The following KDM4C variants were observed in gnomAD, a reference collection of about 807,000 sequenced individuals.
KDM4C encodes lysine demethylase 4C.
A neutral mutation model predicts 129.3 loss-of-function variants in KDM4C; 81 were observed. The ratio of observed to expected loss-of-function variants is 0.63; its 90% CI spans 0.52 to 0.75. The LOEUF (loss-of-function observed/expected upper bound fraction) is 0.75, where lower values mean the gene tolerates loss of function less well. KDM4C is among the 30% of genes least tolerant of loss of function. KDM4C has a pLI of 0.00. For missense variants in KDM4C, 1,457 were observed against 1,304.0 expected, an observed-to-expected ratio of 1.12 and a Z score of -1.81; for synonymous variants, 573 against 456.1, an observed-to-expected ratio of 1.26 and a Z score of -3.26.
chr9:6,770,213 AC>A (rs1821475001), intron 1 of KDM4C, among the ~76,000 whole-genome samples: 1 of 144,496 alleles, frequency 6.9e-6, no homozygotes, highest in Admixed American at 6.8e-5. Context: ...AACAAAAAAC[AC>A]CAAAAAAAAA....
intron 8 of KDM4C, among the ~76,000 whole-genome samples, chr9:6,968,991 C>A (rs955564545): frequency 2.6e-5 from 4 of 152,070 alleles, no homozygotes; most frequent in African/African-American, 7.2e-5. Context: ...AGCTGGAGTG[C>A]AGTGGCATGA....
Position 6,819,718 on chromosome 9 carries a change from TA to T in KDM4C, c.435+4976del, listed in dbSNP as rs1274909970. Among the ~76,000 whole-genome samples, 4 of 152,290 alleles carry T rather than the reference TA, an allele frequency of 2.6e-5. No individual in the cohort carries two copies. The South Asian group carries it at 8.3e-4, about 32-fold the overall frequency. On this transcript the variant is annotated intron_variant, in intron 4 of 21. Transcript: ENST00000381309. ...AGAATAACAAAAGAAAAGAGTGCAT[TA>T]AAGGGCATGATGTAGAGTGAGTGTA...
intron 12 of KDM4C, among the ~76,000 whole-genome samples, chr9:6,993,732 G>A (rs1054390672): frequency 2.0e-5 from 3 of 152,144 alleles, no homozygotes; most frequent in African/African-American, 4.8e-5. Flanking sequence ...ACTGAAGGGC[G>A]GCCAGCTTAG....
intron 1 of KDM4C, among the ~76,000 whole-genome samples, chr9:6,739,997 C>T (rs1186720721): frequency 6.6e-6 from 1 of 151,868 alleles, no homozygotes; most frequent in African/African-American, 2.4e-5. Context: ...TCAAGTGATT[C>T]TCCTGCCTCA....
intron 5 of KDM4C, among the ~76,000 whole-genome samples, chr9:6,862,989 T>G (rs1242119035): frequency 6.6e-6 from 1 of 152,206 alleles, no homozygotes; most frequent in African/African-American, 2.4e-5. Context: ...TATCATTTAT[T>G]TATTTGTTTT....
rs1270037152 is a variant in KDM4C at position 6,819,878 on chromosome 9, A to C, written c.435+5133A>C. Among the ~76,000 whole-genome samples, 2 of 152,320 alleles carry C rather than the reference A, an allele frequency of 1.3e-5. 1 individual carries two copies. The highest frequency in any genetic ancestry group is 4.1e-4 in the South Asian group (2 of 4,828). On this transcript the variant is annotated intron_variant, in intron 4 of 21. Coordinates refer to ENST00000381309, the MANE Select transcript of KDM4C (RefSeq NM_015061.6). Reference sequence around the variant, plus strand: ...TTTAGTTCAGTATTTAAATTGTACCAAGAACTGGTTTCTCGTGGTTCATGG... The same window carrying C: ...TTTAGTTCAGTATTTAAATTGTACCCAGAACTGGTTTCTCGTGGTTCATGG...
intron 4 of KDM4C, among the ~76,000 whole-genome samples, chr9:6,822,190 C>G (rs1175286872): frequency 3.3e-5 from 5 of 152,160 alleles, no homozygotes; most frequent in Admixed American, 6.5e-5. Context: ...GGAGCCCAGT[C>G]TTTTTCATTT....
intron 1 of KDM4C, among the ~76,000 whole-genome samples, chr9:6,744,424 C>A (rs1817810341): frequency 6.6e-6 from 1 of 152,084 alleles, no homozygotes; most frequent in South Asian, 2.1e-4. Flanking sequence ...ACTCAAGAGG[C>A]TGAGGCAGGA....
At chr9:6,777,575 C>G (rs946050718) in intron 1 of KDM4C, among the ~76,000 whole-genome samples, 3 of 152,094 alleles carry the variant, frequency 2.0e-5, no homozygotes, top group Non-Finnish European at 2.9e-5. Context: ...TTCCCTTTAC[C>G]TGTCTAAGAC....
In KDM4C at chr9:6,758,202, A is replaced by G. The variant is rs1225370211; in HGVS notation, c.-19A>G. 2 of 985,482 alleles carry G rather than the reference A, an allele frequency of 2.0e-6. No homozygotes were observed. The highest frequency in any genetic ancestry group is 2.4e-6 in the Non-Finnish European group (2 of 830,180). The allele number at this position is 985,482 out of a possible 1,614,324, so 61.0% of individuals were successfully genotyped here. On this transcript the variant is annotated splice_region_variant and 5_prime_UTR_variant, in exon 1 of 22. Coordinates refer to ENST00000381309, the MANE Select transcript of KDM4C (RefSeq NM_015061.6). This position sits in a 1 kb window ranked among gnomAD's most constrained non-coding sequence, Gnocchi z 4.6. ...GTGCTCTCGCCCCAACCCGCGCGCC[A>G]GGTAACCGCTTTTCCGGAGTCTGGG...
chr9:6,869,811 C>G (rs565593054), intron 5 of KDM4C, among the ~76,000 whole-genome samples: 1 of 152,238 alleles, frequency 6.6e-6, no homozygotes, highest in Non-Finnish European at 1.5e-5. Flanking sequence ...GCAGCATCCC[C>G]TATAGCCATG....
chr9:6,932,043 G>C (rs555432077), intron 8 of KDM4C, among the ~76,000 whole-genome samples: 4 of 152,216 alleles, frequency 2.6e-5, no homozygotes, highest in Non-Finnish European at 5.9e-5. Flanking sequence ...CATTTGGGCC[G>C]TGACTATTGT....
chr9:7,024,289 G>GTT (rs61133083), intron 15 of KDM4C, among the ~76,000 whole-genome samples: 21,379 of 132,132 alleles, frequency 0.16, 2,084 homozygotes, highest in South Asian at 0.4. Flanking sequence ...TAATGTTTTC[G>GTT]TTTTTTTTTT....
chr9:6,804,552 G>A (rs1355088139), intron 2 of KDM4C, among the ~76,000 whole-genome samples: 2 of 152,086 alleles, frequency 1.3e-5, no homozygotes, highest in African/African-American at 2.4e-5. Context: ...GAGGTCAGGA[G>A]TTCAAGACCA....
At chr9:7,085,316 G>T (rs1273526815) in intron 17 of KDM4C, among the ~76,000 whole-genome samples, 1 of 152,178 alleles carries the variant, frequency 6.6e-6, no homozygotes, top group East Asian at 1.9e-4. Flanking sequence ...TTTTTTTTCA[G>T]TTGCAGAATT....
intron 17 of KDM4C, among the ~76,000 whole-genome samples, chr9:7,077,697 A>T (rs1834082540): frequency 6.6e-6 from 1 of 152,176 alleles, no homozygotes; most frequent in African/African-American, 2.4e-5. Context: ...TGCCTCATCA[A>T]TCCTGAGTCT....
At chr9:7,091,900 G>C (rs1835848373) in intron 17 of KDM4C, among the ~76,000 whole-genome samples, 2 of 152,216 alleles carry the variant, frequency 1.3e-5, no homozygotes, top group Admixed American at 6.5e-5. Context: ...TCCTGACACA[G>C]GTCTCAGACC....
intron 5 of KDM4C, among the ~76,000 whole-genome samples, chr9:6,852,573 C>G (rs944742747): frequency 6.6e-6 from 1 of 152,226 alleles, no homozygotes; most frequent in African/African-American, 2.4e-5. Context: ...CCTCTTCTGC[C>G]TGTCCTCTCC....
At chr9:6,725,003 G>T (rs1029053630) in intron 1 of KDM4C, among the ~76,000 whole-genome samples, 1 of 152,086 alleles carries the variant, frequency 6.6e-6, no homozygotes, top group Non-Finnish European at 1.5e-5. Flanking sequence ...CGGTTTCCTT[G>T]CCTTTTCCAG....
Sources: allele counts gnomAD v4.1 joint callset (sites outside exome capture counted in the v4.1 genomes callset), GRCh38; gene constraint gnomAD v4.1.1; non-coding constraint Gnocchi (gnomAD v3.1); transcripts MANE v1.5; gene names NCBI Gene and HGNC (gene_info 2026-07-23, HGNC 2026-07-21).